The following DACH2 variants were observed in gnomAD, a reference collection of about 807,000 sequenced individuals.
The protein encoded by DACH2 is dachshund homolog 2.
A neutral mutation model predicts 35.8 loss-of-function variants in DACH2; 17 were observed. The observed-to-expected ratio is 0.48, with a 90% CI of 0.33 to 0.71. The LOEUF is 0.71. Among genes scored for constraint, DACH2 ranks in the 30% least tolerant of loss-of-function variants. The pLI, the probability that DACH2 is intolerant of heterozygous loss-of-function variation, is 0.02. For synonymous variants in DACH2, 195 were observed against 177.3 expected (o/e 1.10, Z -0.79); for missense variants, 469 against 472.7 (o/e 0.99, Z 0.07).
chrX:86,528,487 G>GA (rs1387359276), intron 3 of DACH2, among the ~76,000 whole-genome samples: 2 of 111,611 alleles, frequency 1.8e-5, no homozygotes, highest in Middle Eastern at 4.6e-3. Context: ...AGTTTCAAAG[G>GA]AAAAACTCTT....
At chrX:86,240,604 A>T (rs1362393591) in intron 1 of DACH2, among the ~76,000 whole-genome samples, 3 of 109,411 alleles carry the variant, frequency 2.7e-5, no homozygotes, top group Non-Finnish European at 5.7e-5. Context: ...AGTAGCTGGG[A>T]CTATAAGCAC....
At chrX:86,556,822 AGAGAGAG>A (rs1569439474) in intron 3 of DACH2, among the ~76,000 whole-genome samples, 8 of 94,046 alleles carry the variant, frequency 8.5e-5, no homozygotes, top group South Asian at 5.9e-4. Flanking sequence ...AGAGAGAGAG[AGAGAGAG>A]AAGAAGAAAT....
intron 1 of DACH2, among the ~76,000 whole-genome samples, chrX:86,372,550 C>A (rs1010994575): frequency 6.3e-5 from 7 of 110,549 alleles, no homozygotes; most frequent in African/African-American, 2.3e-4. Flanking sequence ...AGAGTGCATG[C>A]TCTTTCTATG....
chrX:86,201,598 A>G (rs1235464791), intron 1 of DACH2, among the ~76,000 whole-genome samples: 1 of 111,380 alleles, frequency 9.0e-6, no homozygotes, highest in Non-Finnish European at 1.9e-5. Context: ...ACTGCTGTTC[A>G]TATTTAATAT....
intron 2 of DACH2, among the ~76,000 whole-genome samples, chrX:86,426,447 T>A (rs892102855): frequency 8.9e-6 from 1 of 111,804 alleles, no homozygotes; most frequent in South Asian, 3.7e-4. Flanking sequence ...CATCAAAAAA[T>A]TTCTTTAAAG....
intron 6 of DACH2, among the ~76,000 whole-genome samples, chrX:86,735,158 A>G (rs993231979): frequency 1.8e-5 from 2 of 111,973 alleles, no homozygotes; most frequent in African/African-American, 6.5e-5. Context: ...TTAAAAGGCA[A>G]TGGAACATGT....
At chrX:86,409,129 CT>C (rs1224180565) in intron 2 of DACH2, among the ~76,000 whole-genome samples, 1 of 111,180 alleles carries the variant, frequency 9.0e-6, no homozygotes, top group African/African-American at 3.3e-5. Context: ...AATCATCACT[CT>C]TTTTTTCTGG....
intron 3 of DACH2, among the ~76,000 whole-genome samples, chrX:86,593,395 A>T (rs868633713): frequency 8.4e-5 from 7 of 83,124 alleles, no homozygotes; most frequent in South Asian, 9.8e-4. Flanking sequence ...TCATATATAT[A>T]TTTTTTTATT....
chrX:86,743,125 A>G (rs2041674496), intron 7 of DACH2, among the ~76,000 whole-genome samples: 1 of 111,514 alleles, frequency 9.0e-6, no homozygotes, highest in Admixed American at 9.6e-5. Context: ...GCTTCCCTCA[A>G]TCCTTGAAAG....
chrX:86,805,391 T>A (rs1028702037), intron 7 of DACH2, among the ~76,000 whole-genome samples: 3 of 112,387 alleles, frequency 2.7e-5, no homozygotes, highest in African/African-American at 9.7e-5. Context: ...GCCCACGAAA[T>A]CATGTTTTCC....
chrX:86,652,119 C>A (rs1272669513), intron 4 of DACH2, among the ~76,000 whole-genome samples: 1 of 110,862 alleles, frequency 9.0e-6, no homozygotes. Flanking sequence ...CTCAAGTAGG[C>A]CCCAGTGCCT....
At chrX:86,613,297 T>A (rs1349795568) in intron 3 of DACH2, among the ~76,000 whole-genome samples, 1 of 111,559 alleles carries the variant, frequency 9.0e-6, no homozygotes, top group Non-Finnish European at 1.9e-5. Context: ...ACTTTCTAGT[T>A]CCTGTCAGTG....
chrX:86,487,093 T>C (rs2038029540), intron 2 of DACH2, among the ~76,000 whole-genome samples: 1 of 111,654 alleles, frequency 9.0e-6, no homozygotes, highest in African/African-American at 3.2e-5. Flanking sequence ...ACATATACTA[T>C]TATTTTTTAA....
chrX:86,637,603 C>A (rs1319205830), intron 3 of DACH2, among the ~76,000 whole-genome samples: 1 of 111,636 alleles, frequency 9.0e-6, no homozygotes. Context: ...AGACCATTAT[C>A]CTTAGCAAAC....
At chrX:86,793,245 A>G (rs999202823) in intron 7 of DACH2, among the ~76,000 whole-genome samples, 10 of 109,013 alleles carry the variant, frequency 9.2e-5, no homozygotes, top group African/African-American at 3.3e-4. Flanking sequence ...TTTTTTTGCT[A>G]TTGAGTTGTT....
chrX:86,256,121 C>CA (rs1313298012), intron 1 of DACH2, among the ~76,000 whole-genome samples: 3 of 110,419 alleles, frequency 2.7e-5, no homozygotes, highest in Non-Finnish European at 1.9e-5. Flanking sequence ...AAGAATATAA[C>CA]AAAAAACAAA....
At chrX:86,334,714 T>C (rs761135042) in intron 1 of DACH2, among the ~76,000 whole-genome samples, 2 of 112,210 alleles carry the variant, frequency 1.8e-5, no homozygotes, top group African/African-American at 3.2e-5. Flanking sequence ...AGGTTGCCTG[T>C]TCACTCTGAT....
chrX:86,724,901 C>T (rs746053711), intron 6 of DACH2, among the ~76,000 whole-genome samples: 20 of 109,922 alleles, frequency 1.8e-4, no homozygotes, highest in Non-Finnish European at 3.0e-4. Context: ...TTTTGACTGA[C>T]TGGATTATTT....
At chrX:86,766,772 A>C (rs2041939477) in intron 7 of DACH2, among the ~76,000 whole-genome samples, 1 of 111,489 alleles carries the variant, frequency 9.0e-6, no homozygotes, top group African/African-American at 3.3e-5. Flanking sequence ...TTCCTCTGTG[A>C]GTTGTTCTTA....
Sources: gnomAD v4.1 joint callset for allele counts (sites outside exome capture counted in the v4.1 genomes callset) on GRCh38, gnomAD v4.1.1 for gene constraint, MANE v1.5 for transcripts, NCBI Gene and HGNC (gene_info 2026-07-23, HGNC 2026-07-21) for gene names.